The following SVEP1 variants were observed in gnomAD, a reference collection of about 807,000 sequenced individuals.
SVEP1 encodes the protein sushi, von Willebrand factor type A, EGF and pentraxin domain containing 1, also known as sushi, von Willebrand factor type A, EGF and pentraxin domain-containing protein 1.
In SVEP1, 164 loss-of-function variants were observed where a neutral mutation model predicts 367.3. That is an observed-to-expected ratio of 0.45 (90% confidence interval 0.39 to 0.51). The LOEUF (loss-of-function observed/expected upper bound fraction) is 0.51, where lower values mean the gene tolerates loss of function less well. Among genes scored for constraint, SVEP1 ranks in the 20% least tolerant of loss-of-function variants. SVEP1 has a pLI of 0.00. For synonymous variants in SVEP1, 1,666 were observed against 1,611.6 expected (o/e 1.03, Z -0.81); for missense variants, 4,117 against 4,425.3 (o/e 0.93, Z 1.98).
At chr9:110,382,819 C>G (rs1827458151) in intron 43 of SVEP1, among the ~76,000 whole-genome samples, 1 of 152,156 alleles carries the variant, frequency 6.6e-6, no homozygotes, top group Non-Finnish European at 1.5e-5. Context: ...AGTCTTCAAA[C>G]TCTAAAATTC....
At chr9:110,464,244 T>C (rs1828903099) in intron 18 of SVEP1, among the ~76,000 whole-genome samples, 1 of 152,190 alleles carries the variant, frequency 6.6e-6, no homozygotes, top group South Asian at 2.1e-4. Context: ...GCTGGTATTA[T>C]CCAACAGACA....
chr9:110,559,201 T>A (rs1411465013), intron 1 of SVEP1, among the ~76,000 whole-genome samples: 1 of 152,022 alleles, frequency 6.6e-6, no homozygotes, highest in East Asian at 1.9e-4. Context: ...CTAGCTAACA[T>A]AATAAGACAC....
chr9:110,392,133 T>A (rs866219292), intron 40 of SVEP1, among the ~76,000 whole-genome samples: 1 of 99,666 alleles, frequency 1.0e-5, no homozygotes, highest in African/African-American at 3.9e-5. Context: ...CAATTCCTCA[T>A]TATATATATA....
intron 42 of SVEP1, among the ~76,000 whole-genome samples, chr9:110,386,483 T>G (rs2118962714): frequency 6.6e-6 from 1 of 152,194 alleles, no homozygotes; most frequent in Non-Finnish European, 1.5e-5. Context: ...TCACCTTACT[T>G]TCTTTTATTG....
intron 43 of SVEP1, among the ~76,000 whole-genome samples, chr9:110,382,931 C>T (rs892926607): frequency 1.3e-5 from 2 of 152,148 alleles, no homozygotes; most frequent in African/African-American, 4.8e-5. Context: ...CCTTTCTAAA[C>T]TGGTTATTCT....
rs759034045 is a variant in SVEP1, at chr9:110,427,639, C to A, written c.5927G>T (p.Gly1976Val). 1.2e-6 allele frequency: 2 copies of A among 1,613,820 alleles called. No individual in the cohort carries two copies. The highest frequency in any genetic ancestry group is 2.2e-5 in the South Asian group (2 of 91,070). Reference protein sequence around the residue: ...PPAIKDAVITGNNFTFRNTVT... With the variant: ...PPAIKDAVITVNNFTFRNTVT... ...GGTGTTCCTGAAAGTGAAGTTATTC[C>A]CCGTAATGACAGCATCTTTGATGGC... Residue 1976 changes from glycine (G) to valine (V), a missense_variant, in exon 36 of 48, where the codon GGG (glycine) becomes GTG (valine). Coordinates refer to ENST00000374469, the MANE Select transcript of SVEP1 (RefSeq NM_153366.4).
At chr9:110,470,393 G>T (rs1347210914) in intron 16 of SVEP1, among the ~76,000 whole-genome samples, 1 of 151,916 alleles carries the variant, frequency 6.6e-6, no homozygotes, top group African/African-American at 2.4e-5. Flanking sequence ...ACTCGTGTTG[G>T]CTGCCTGGAT....
intron 40 of SVEP1, among the ~76,000 whole-genome samples, chr9:110,390,312 T>TAC (rs1564127528): frequency 9.1e-5 from 1 of 10,988 alleles, no homozygotes; most frequent in African/African-American, 5.7e-4. Flanking sequence ...TATATAAGTA[T>TAC]GTGTATATAT....
chr9:110,493,959 G>A (rs879765978), intron 8 of SVEP1, among the ~76,000 whole-genome samples: 8 of 152,094 alleles, frequency 5.3e-5, no homozygotes, highest in Non-Finnish European at 1.0e-4. Context: ...AGCCACTGAT[G>A]GCAGATTGAG....
At chr9:110,548,396 C>T (rs1258472107) in intron 2 of SVEP1, among the ~76,000 whole-genome samples, 4 of 151,952 alleles carry the variant, frequency 2.6e-5, no homozygotes, top group African/African-American at 9.7e-5. Context: ...TTATTGAGTG[C>T]TGAGTATAAC....
intron 36 of SVEP1, among the ~76,000 whole-genome samples, chr9:110,426,650 A>C (rs1828257504): frequency 6.6e-6 from 1 of 152,170 alleles, no homozygotes; most frequent in Non-Finnish European, 1.5e-5. Flanking sequence ...GAGAAAAAAC[A>C]ATGATTGCAA....
In SVEP1 at chr9:110,459,184, T is replaced by C. The variant is rs114778170; in HGVS notation, c.3323-71A>G. The C allele has an allele frequency of 8.4e-4, 1,218 of 1,451,086 alleles. 7 individuals carry two copies. In the African/African-American group the frequency reaches 0.015, roughly 18 times the overall value. The allele number at this position is 1,451,086 out of a possible 1,614,324, so 89.9% of individuals were successfully genotyped here. On this transcript the variant is annotated intron_variant, in intron 18 of 47. Coordinates refer to ENST00000374469, the MANE Select transcript of SVEP1 (RefSeq NM_153366.4). ...CCTACATTTGAAAGAAGTGATTTAA[T>C]CTGTGCATATAAGAAACCTACTGAA...
chr9:110,579,430 G>A lies in SVEP1; in HGVS notation c.114C>T (p.Thr38=), dbSNP rs750372212. The A allele has an allele frequency of 1.0e-5, 16 of 1,589,388 alleles. No individual in the cohort carries two copies. In the East Asian group the frequency reaches 2.3e-4, roughly 23 times the overall value. The change falls in exon 1 of 48, where the codon ACC becomes ACT. Residue 38 remains threonine (T), a synonymous_variant. Coordinates refer to ENST00000374469, the MANE Select transcript of SVEP1 (RefSeq NM_153366.4). The surrounding 1 kb of genome is among the most constrained non-coding windows in gnomAD (Gnocchi z 5.3). ...RNFSFRLFPE[T]APGAPGSIPA... is the part of the protein sequence containing the mutation. ...GGATACTCCCGGGGGCCCCGGGCGC[G>A]GTCTCGGGGAAGAGGCGGAAGCTGA...
rs1260150275 is a variant in SVEP1, at chr9:110,429,938, C to T, written c.5597G>A (p.Gly1866Asp). 3.1e-6 allele frequency: 5 copies of T among 1,612,762 alleles called. No individual in the cohort carries two copies. Among genetic ancestry groups the T allele is most frequent in the Non-Finnish European group, 4.2e-6 (5 of 1,179,698 alleles). The change falls in exon 34 of 48, where the codon GGC (glycine) becomes GAC (aspartate). Residue 1866 changes from glycine to aspartate, a missense_variant. Gly to Asp is a moderately conservative substitution (Grantham distance 94). Coordinates refer to ENST00000374469, the MANE Select transcript of SVEP1 (RefSeq NM_153366.4). ...GCIEELAFTFGSKVTYRCNKG... is the reference protein window; with the variant it reads ...GCIEELAFTFDSKVTYRCNKG... ...TACTTACCTATATGTCACTTTGCTG[C>T]CAAAAGTAAATGCTAACTCCTCAAT...
At chr9:110,503,350 C>T in intron 5 of SVEP1, 133 bp from the exon 6 acceptor site, 1 of 827,770 alleles carries the variant, frequency 1.2e-6, no homozygotes, top group South Asian at 1.8e-5. Context: ...ACACATAATA[C>T]ACCACCATTT....
Position 110,436,416 on chromosome 9 carries a change from C to T in SVEP1, c.4728G>A (p.Gln1576=), listed in dbSNP as rs754080139. Residue 1576 remains glutamine (Q), a synonymous_variant, in exon 28 of 48, where the codon CAG becomes CAA. Transcript: ENST00000374469. ...PAESFVGSIS[Q]LNLWDYVLSP... The stretch of plus-strand genomic sequence containing the variant: ...ACAGGACATAGTCCCAGAGGTTGAG[C>T]TGGCTTATGGAGCCCACAAAAGACT... The T allele has an allele frequency of 6.2e-7, 1 of 1,613,970 alleles. No homozygotes were observed. The highest frequency in any genetic ancestry group is 8.5e-7 in the Non-Finnish European group (1 of 1,179,856).
At chr9:110,424,731 A>G (rs996703661) in intron 36 of SVEP1, among the ~76,000 whole-genome samples, 1 of 152,050 alleles carries the variant, frequency 6.6e-6, no homozygotes, top group Admixed American at 6.6e-5. Flanking sequence ...CTGGAGTGCA[A>G]TGGCGCGATC....
intron 32 of SVEP1, 126 bp downstream of exon 32, chr9:110,431,789 A>T: frequency 7.9e-7 from 1 of 1,262,848 alleles, no homozygotes; most frequent in Non-Finnish European, 1.1e-6. Flanking sequence ...ACTTTATCTT[A>T]TCTGCCTACC....
chr9:110,446,912 T>G lies in SVEP1; in HGVS notation c.4249A>C (p.Arg1417=), dbSNP rs1385091529. 1.3e-6 allele frequency: 2 copies of G among 1,536,108 alleles called. No homozygotes were observed. The highest frequency in any genetic ancestry group is 2.5e-5 in the East Asian group (1 of 40,450). The change falls in exon 25 of 48, where the codon AGG becomes CGG. Residue 1417 remains arginine, a synonymous_variant. Coordinates refer to ENST00000374469, the MANE Select transcript of SVEP1 (RefSeq NM_153366.4). ...CKCQPGFSGK[R]CETEQSTGFN... ...AGTTGATACATACCTGTTTCACACC[T>G]TTTGCCTGAAAATCCTGGCTGACAT... is the stretch of plus-strand genomic sequence containing the variant.
Sources: allele counts gnomAD v4.1 joint callset (sites outside exome capture counted in the v4.1 genomes callset), GRCh38; gene constraint gnomAD v4.1.1; non-coding constraint Gnocchi (gnomAD v3.1); transcripts MANE v1.5; gene names NCBI Gene and HGNC (gene_info 2026-07-23, HGNC 2026-07-21).